The following ABI3BP variants were observed in gnomAD, a reference collection of about 807,000 sequenced individuals.
ABI3BP encodes the protein ABI family member 3 binding protein, also known as target of Nesh-SH3.
ABI3BP carries 216 observed loss-of-function variants against 268.6 expected under a neutral mutation model. That is an observed-to-expected ratio of 0.80 (90% CI 0.72 to 0.90). ABI3BP has a LOEUF of 0.90. Among genes scored for constraint, ABI3BP ranks in the 40% least tolerant of loss-of-function variants. The probability of loss-of-function intolerance (pLI) is 0.00; values close to 1 mark genes in which losing one functional copy is unlikely to be tolerated. For synonymous variants in ABI3BP, 730 were observed against 730.0 expected (o/e 1.00, Z 0.00); for missense variants, 2,090 against 2,182.4 (o/e 0.96, Z 0.84).
intron 51 of ABI3BP, among the ~76,000 whole-genome samples, chr3:100,798,364 A>T (rs188194053): frequency 3.2e-4 from 48 of 152,276 alleles, no homozygotes; most frequent in African/African-American, 9.6e-4. Flanking sequence ...TCATTCTCCT[A>T]CTTGGTCAAC....
At chr3:100,841,916 A>C (rs1278263235) in intron 21 of ABI3BP, 82 bp downstream of exon 21, 6 of 1,168,312 alleles carry the variant, frequency 5.1e-6, no homozygotes, top group Non-Finnish European at 5.9e-6. Context: ...AAAAAAAAAA[A>C]CAAAACCCAA....
intron 51 of ABI3BP, among the ~76,000 whole-genome samples, chr3:100,800,067 G>A (rs2097483113): frequency 1.3e-5 from 2 of 152,190 alleles, no homozygotes; most frequent in South Asian, 2.1e-4. Flanking sequence ...ACAGCATTCA[G>A]TCATTCTCTA....
chr3:100,815,100 G>A (rs17397405), intron 44 of ABI3BP, among the ~76,000 whole-genome samples: 20,932 of 152,096 alleles, frequency 0.14, 1,876 homozygotes, highest in South Asian at 0.26. Flanking sequence ...AGGTCTGAGG[G>A]ATGGAATAAC....
In ABI3BP at chr3:100,835,540, A is replaced by T. The variant is rs376026979; in HGVS notation, c.2191+61T>A. ...GAAAAAACCCTTAGCCCAAATAGTG[A>T]TGGAATAGACTAGACAATGAGCAGA... On this transcript the variant is annotated intron_variant, in intron 28 of 67. Transcript: ENST00000471714. 1.1e-5 allele frequency: 14 copies of T among 1,293,102 alleles called. No individual in the cohort carries two copies. The South Asian group carries it at 1.1e-4, about 10-fold the overall frequency. 80.1% of individuals were successfully genotyped at this position (1,293,102 alleles called of 1,614,324 possible).
intron 1 of ABI3BP, among the ~76,000 whole-genome samples, chr3:100,973,814 G>C (rs959884610): frequency 3.9e-5 from 6 of 152,130 alleles, no homozygotes; most frequent in African/African-American, 1.4e-4. Context: ...ACAAGATATA[G>C]TCAGAACAGG....
chr3:100,849,453 G>A (rs2098814594), intron 17 of ABI3BP, among the ~76,000 whole-genome samples: 1 of 151,802 alleles, frequency 6.6e-6, no homozygotes, highest in Non-Finnish European at 1.5e-5. Context: ...TGAACTCCTG[G>A]CCTCATGTGA....
intron 6 of ABI3BP, among the ~76,000 whole-genome samples, chr3:100,882,345 T>G (rs2039741851): frequency 6.6e-6 from 1 of 151,848 alleles, no homozygotes. Flanking sequence ...CAATTGTATG[T>G]GGTCACATAA....
At position 100,798,863 on chromosome 3, in the gene ABI3BP, T is replaced by C. The variant is rs554890615; in HGVS notation, c.3758-2395A>G. ...AAGACATATAGACTACATACCATATTCTATTCCTTTAATCTATACTCTCTA... is the reference window on the plus strand; with the variant it reads ...AAGACATATAGACTACATACCATATCCTATTCCTTTAATCTATACTCTCTA... On this transcript the variant is annotated intron_variant, in intron 51 of 67. Coordinates refer to ENST00000471714, the MANE Select transcript of ABI3BP (RefSeq NM_001375547.2). 1.8e-3 allele frequency among the ~76,000 whole-genome samples: 276 copies of C among 152,282 alleles called. 3 individuals are homozygous for C. Among genetic ancestry groups the C allele is most frequent in the African/African-American group, 6.4e-3 (264 of 41,574 alleles).
At position 100,816,696 on chromosome 3, in the gene ABI3BP, T is replaced by A; in HGVS notation, c.3221A>T (p.Asn1074Ile). 1 of 1,535,842 alleles carries A rather than the reference T, an allele frequency of 6.5e-7. No homozygotes were observed. Among genetic ancestry groups the A allele is most frequent in the African/African-American group, 1.4e-5 (1 of 73,144 alleles). Reference sequence around the variant, plus strand: ...AGGATTCATACATTTACCCGATTTGTTCTGAGGTACTTCAGGACTTGATGT... The same window carrying A: ...AGGATTCATACATTTACCCGATTTGATCTGAGGTACTTCAGGACTTGATGT... Reference protein sequence around the residue: ...KTTSSPEVPQNKSVSVTGFEP... With the variant: ...KTTSSPEVPQIKSVSVTGFEP... The change falls in exon 43 of 68, where the codon AAC becomes ATC. Residue 1074 changes from asparagine to isoleucine, a missense_variant. Coordinates refer to ENST00000471714, the MANE Select transcript of ABI3BP (RefSeq NM_001375547.2).
chr3:100,918,473 C>T lies in ABI3BP; in HGVS notation c.259+7829G>A, dbSNP rs144933837. The stretch of plus-strand genomic sequence containing the variant: ...TCCTTGGGTGAAGTGTAGAGGCAGA[C>T]AAGACACACAAAAATAAAAACAAAT... On this transcript the variant is annotated intron_variant, in intron 2 of 67. Coordinates refer to ENST00000471714, the MANE Select transcript of ABI3BP (RefSeq NM_001375547.2). 5.3e-5 allele frequency among the ~76,000 whole-genome samples: 8 copies of T among 152,022 alleles called. No individual in the cohort carries two copies. In the East Asian group the frequency reaches 1.4e-3, roughly 26 times the overall value.
At chr3:100,823,283 C>T (rs1384361506) in intron 37 of ABI3BP, among the ~76,000 whole-genome samples, 175 bp downstream of exon 37, 1 of 152,036 alleles carries the variant, frequency 6.6e-6, no homozygotes, top group Non-Finnish European at 1.5e-5. Context: ...TATAAACGTC[C>T]TCAAGTAGAT....
At chr3:100,876,325 G>C (rs1561154425) in intron 7 of ABI3BP, among the ~76,000 whole-genome samples, 187 bp downstream of exon 7, 1 of 151,972 alleles carries the variant, frequency 6.6e-6, no homozygotes, top group Admixed American at 6.6e-5. Context: ...CCAAAGCTTG[G>C]TGTATTGGTA....
intron 3 of ABI3BP, among the ~76,000 whole-genome samples, chr3:100,901,876 A>G (rs946383016): frequency 9.2e-5 from 14 of 152,184 alleles, no homozygotes; most frequent in African/African-American, 3.4e-4. Context: ...CCTTATAGCA[A>G]TGGTCAGCTA....
In ABI3BP at chr3:100,816,787, G is replaced by T. The variant is rs940484092; in HGVS notation, c.3149-19C>A. 4.6e-6 allele frequency: 7 copies of T among 1,533,402 alleles called. No individual in the cohort carries two copies. In the African/African-American group the frequency reaches 8.2e-5, roughly 18 times the overall value. 95.0% of individuals were successfully genotyped at this position (1,533,402 alleles called of 1,614,324 possible). A position where few individuals can be genotyped will look rare whatever the true frequency, so the allele number is the denominator to read the frequency against. ...TTAGGAGCTGAAGGAAGAAACTTTGGATTACTCTAGTGCAGGTGGCTTTGG... is the reference window on the plus strand; with the variant it reads ...TTAGGAGCTGAAGGAAGAAACTTTGTATTACTCTAGTGCAGGTGGCTTTGG... On this transcript the variant is annotated intron_variant, in intron 42 of 67. Transcript: ENST00000471714.
intron 6 of ABI3BP, among the ~76,000 whole-genome samples, chr3:100,884,938 A>G (rs1281481008): frequency 2.6e-5 from 4 of 152,126 alleles, no homozygotes; most frequent in African/African-American, 9.6e-5. Context: ...TATACTAGAC[A>G]TGATGCTTCC....
At chr3:100,912,694 A>C (rs2057186953) in intron 2 of ABI3BP, among the ~76,000 whole-genome samples, 2 of 152,208 alleles carry the variant, frequency 1.3e-5, no homozygotes. Context: ...AGCTCTTGAC[A>C]TTTGGCCACA....
chr3:100,790,385 GA>G (rs1284124327), intron 55 of ABI3BP, among the ~76,000 whole-genome samples: 1 of 151,770 alleles, frequency 6.6e-6, no homozygotes, highest in Non-Finnish European at 1.5e-5. Context: ...AATGTTTTTG[GA>G]AAAATTTTTT....
At chr3:100,958,216 C>A (rs2077492564) in intron 1 of ABI3BP, among the ~76,000 whole-genome samples, 1 of 152,104 alleles carries the variant, frequency 6.6e-6, no homozygotes, top group South Asian at 2.1e-4. Context: ...TTATTATTTA[C>A]AAAATTGTCC....
chr3:100,979,411 C>T (rs2088041824), intron 1 of ABI3BP, among the ~76,000 whole-genome samples: 1 of 151,962 alleles, frequency 6.6e-6, no homozygotes, highest in Non-Finnish European at 1.5e-5. Flanking sequence ...ATGTTTCTTG[C>T]CATTTTTTTT....
Sources: allele counts gnomAD v4.1 joint callset (sites outside exome capture counted in the v4.1 genomes callset), GRCh38; gene constraint gnomAD v4.1.1; transcripts MANE v1.5; gene names NCBI Gene and HGNC (gene_info 2026-07-23, HGNC 2026-07-21).